The following EFHB variants were observed in gnomAD, a reference collection of about 807,000 sequenced individuals.
EFHB encodes the protein EF-hand domain-containing family member B.
A neutral mutation model predicts 87.2 loss-of-function variants in EFHB; 91 were observed. The observed-to-expected ratio is 1.04, with a 90% CI of 0.88 to 1.24. The LOEUF is 1.24. Ranked by LOEUF, EFHB falls within the 50% of genes most tolerant of loss-of-function variation. The pLI is 0.00. For synonymous variants in EFHB, 325 were observed against 333.6 expected, an observed-to-expected ratio of 0.97 and a Z score of 0.28; for missense variants, 1,084 against 998.8, an observed-to-expected ratio of 1.09 and a Z score of -1.15.
chr3:19,898,753 T>C, intron 8 of EFHB, 25 bp downstream of exon 8: 1 of 1,611,548 alleles, frequency 6.2e-7, no homozygotes, highest in African/African-American at 1.3e-5. Flanking sequence ...TTGGGGTTTT[T>C]TACGGAGAAA....
At chr3:19,889,766 T>C (rs1694240571) in intron 9 of EFHB, among the ~76,000 whole-genome samples, 1 of 152,102 alleles carries the variant, frequency 6.6e-6, no homozygotes. Context: ...GCACGGTGGC[T>C]CATGCCTGTA....
At chr3:19,936,448 T>C, upstream of EFHB, 2 of 439,886 alleles carry the variant, frequency 4.5e-6, no homozygotes, top group Non-Finnish European at 4.0e-6. Context: ...CCTATAGTCC[T>C]AGCTACTCAG....
intron 1 of EFHB, among the ~76,000 whole-genome samples, chr3:19,941,981 C>A (rs1452278128): frequency 6.6e-6 from 1 of 151,682 alleles, no homozygotes; most frequent in East Asian, 1.9e-4. Context: ...ATGGTGAAAC[C>A]ACGTCTCTAC....
chr3:19,896,758 G>C lies in EFHB; in HGVS notation c.1654C>G (p.Arg552Gly). 1 of 1,613,662 alleles carries C rather than the reference G, an allele frequency of 6.2e-7. No homozygotes were observed. Among genetic ancestry groups the C allele is most frequent in the Non-Finnish European group, 8.5e-7 (1 of 1,179,580 alleles). ...TAATTAACTTTCTTCAGGTGATGCC[G>C]AACTGCTGCAATCAGGGCTCGCTGT... ...DRQRALIAAV[R>G]HHLKKVNYQK... Residue 552 changes from arginine (R) to glycine (G), a missense_variant, in exon 9 of 13, where the codon CGG (arginine) becomes GGG (glycine). Transcript: ENST00000295824.
intron 1 of EFHB, among the ~76,000 whole-genome samples, chr3:19,942,731 T>G (rs1206250625): frequency 6.6e-6 from 1 of 152,102 alleles, no homozygotes; most frequent in Non-Finnish European, 1.5e-5. Context: ...TCATAAGAAG[T>G]GCTAGATCCC....
At chr3:19,939,838 A>G (rs1052688529) in intron 1 of EFHB, among the ~76,000 whole-genome samples, 7 of 152,196 alleles carry the variant, frequency 4.6e-5, no homozygotes, top group Admixed American at 2.0e-4. Flanking sequence ...GTCTGATCTA[A>G]AAAAGGCTTT....
chr3:19,919,780 A>G, intron 3 of EFHB, 53 bp downstream of exon 3: 1 of 1,558,164 alleles, frequency 6.4e-7, no homozygotes, highest in Non-Finnish European at 8.8e-7. Flanking sequence ...TGATTTGTGC[A>G]TTTTCACCTT....
chr3:19,917,797 T>G (rs1390830679), intron 4 of EFHB, among the ~76,000 whole-genome samples: 2 of 152,222 alleles, frequency 1.3e-5, no homozygotes, highest in African/African-American at 4.8e-5. Flanking sequence ...CGGATCTGCA[T>G]GAATGGAGTG....
At chr3:19,923,147 G>A (rs1333486013) in intron 1 of EFHB, among the ~76,000 whole-genome samples, 1 of 151,960 alleles carries the variant, frequency 6.6e-6, no homozygotes, top group Non-Finnish European at 1.5e-5. Flanking sequence ...CATGCCTGTA[G>A]TCCCAGCTAC....
upstream of EFHB, among the ~76,000 whole-genome samples, chr3:19,937,636 C>T (rs1464378657): frequency 1.3e-5 from 2 of 152,084 alleles, no homozygotes; most frequent in African/African-American, 2.4e-5. Context: ...AGTCAACATC[C>T]CTTAAGACTT....
chr3:19,924,803 A>G (rs550574101), intron 1 of EFHB, among the ~76,000 whole-genome samples: 2 of 152,314 alleles, frequency 1.3e-5, no homozygotes, highest in African/African-American at 4.8e-5. Flanking sequence ...AGAATAGTAC[A>G]TGGCACATGT....
chr3:19,882,731 C>T lies in EFHB; in HGVS notation c.2147G>A (p.Cys716Tyr), dbSNP rs2071711164. Reference protein sequence around the residue: ...NAIVGAIPSTCYPICGVPTIR... With the variant: ...NAIVGAIPSTYYPICGVPTIR... ...GGTTGGAACACCACAAATGGGGTAA[C>T]CTAGGTCATTGATGAGGGAAGAAAA... is the stretch of plus-strand genomic sequence containing the variant. The change falls in exon 12 of 13, where the codon TGT becomes TAT. Residue 716 changes from cysteine (C) to tyrosine (Y), a missense_variant and splice_region_variant. Transcript: ENST00000295824. The T allele has an allele frequency of 6.2e-7, 1 of 1,609,594 alleles. No homozygotes were observed. Among genetic ancestry groups the T allele is most frequent in the Admixed American group, 1.7e-5 (1 of 59,792 alleles).
At chr3:19,906,075 C>T (rs1694833250) in intron 5 of EFHB, among the ~76,000 whole-genome samples, 1 of 152,186 alleles carries the variant, frequency 6.6e-6, no homozygotes, top group East Asian at 1.9e-4. Flanking sequence ...AATCCCAGCA[C>T]TTTGTGAGGC....
intron 1 of EFHB, among the ~76,000 whole-genome samples, chr3:19,922,661 T>C (rs1695475794): frequency 6.6e-6 from 1 of 152,068 alleles, no homozygotes; most frequent in African/African-American, 2.4e-5. Flanking sequence ...TGAATATAAA[T>C]AGAGATTTGG....
rs114298898 is a variant in EFHB, at chr3:19,890,898, C to T, written c.1726-2247G>A. On this transcript the variant is annotated intron_variant, in intron 9 of 12. Transcript: ENST00000295824. ...CATGGAGGCCTTCTGACTCTCCAGC[C>T]AATAATCATTTTGAGGCCGGCCAAC... Among the ~76,000 whole-genome samples, 1,190 of 152,130 alleles carry T rather than the reference C, an allele frequency of 7.8e-3. 10 individuals are homozygous for T. Among genetic ancestry groups the T allele is most frequent in the African/African-American group, 0.025 (1,021 of 41,490 alleles).
At chr3:19,941,664 C>CT (rs1439649088) in intron 1 of EFHB, 2 of 152,142 alleles carry the variant, frequency 1.3e-5, no homozygotes, top group Non-Finnish European at 2.9e-5. Context: ...CAAGACCAGC[C>CT]TGGCCAACAT....
chr3:19,896,632 A>C, intron 9 of EFHB, 55 bp downstream of exon 9: 1 of 1,612,526 alleles, frequency 6.2e-7, no homozygotes, highest in Non-Finnish European at 8.5e-7. Flanking sequence ...TCTACACCAA[A>C]CTGCTGGGAT....
rs532810165 is a variant in EFHB, at chr3:19,933,438, A to C, written c.581T>G (p.Ile194Ser). Residue 194 changes from isoleucine to serine, a missense_variant, in exon 1 of 13, where the codon ATT (isoleucine) becomes AGT (serine). By Grantham distance (142) the Ile-to-Ser change is moderately radical. Transcript: ENST00000295824. ...TEIKLPVEVD[I>S]GLTQAEGPDE... ...TGGCCCCTCGGCTTGGGTTAGTCCAATGTCCACCTCCACAGGAAGCTTAAT... is the reference window on the plus strand; with the variant it reads ...TGGCCCCTCGGCTTGGGTTAGTCCACTGTCCACCTCCACAGGAAGCTTAAT... 12 of 1,613,998 alleles carry C rather than the reference A, an allele frequency of 7.4e-6. No individual in the cohort carries two copies. Among genetic ancestry groups the C allele is most frequent in the Non-Finnish European group, 1.0e-5 (12 of 1,179,886 alleles).
At chr3:19,931,304 T>C (rs1303851923) in intron 1 of EFHB, among the ~76,000 whole-genome samples, 1 of 152,232 alleles carries the variant, frequency 6.6e-6, no homozygotes, top group Admixed American at 6.5e-5. Flanking sequence ...TTTCTTGTCC[T>C]ATCACATTTA....
Sources: allele counts gnomAD v4.1 joint callset (sites outside exome capture counted in the v4.1 genomes callset), GRCh38; gene constraint gnomAD v4.1.1; transcripts MANE v1.5; gene names NCBI Gene and HGNC (gene_info 2026-07-23, HGNC 2026-07-21).